Variants in NCOR1 observed in about 807,000 individuals in gnomAD.
The protein encoded by NCOR1 is nuclear receptor corepressor 1, also known as protein phosphatase 1, regulatory subunit 109.
Under a neutral mutation model 288.1 loss-of-function variants are expected in NCOR1, and 63 were observed. That is an observed-to-expected ratio of 0.22 (90% CI 0.18 to 0.27). The LOEUF is 0.27. Among genes scored for constraint, NCOR1 ranks in the 10% least tolerant of loss-of-function variants. The probability of loss-of-function intolerance (pLI) is 1.00; values close to 1 mark genes in which losing one functional copy is unlikely to be tolerated. For missense variants in NCOR1, 2,397 were observed against 3,019.2 expected (o/e 0.79, Z 4.83); for synonymous variants, 1,007 against 1,065.9 (o/e 0.94, Z 1.08).
chr17:16,181,816 T>A (rs147661309), intron 3 of NCOR1, among the ~76,000 whole-genome samples: 1 of 152,136 alleles, frequency 6.6e-6, no homozygotes, highest in Non-Finnish European at 1.5e-5. Flanking sequence ...ACCTCTGTCC[T>A]AGATAATAAA....
Position 16,044,430 on chromosome 17 carries a change from C to G in NCOR1, c.6679+2521G>C, listed in dbSNP as rs561069968. 5.8e-4 allele frequency: 273 copies of G among 471,708 alleles called. 3 individuals carry two copies. Among genetic ancestry groups the G allele is most frequent in the South Asian group, 4.1e-3 (267 of 64,576 alleles). The allele number at this position is 471,708 out of a possible 1,614,324, so 29.2% of individuals were successfully genotyped here. On this transcript the variant is annotated intron_variant, in intron 42 of 45. Coordinates refer to ENST00000268712, the MANE Select transcript of NCOR1 (RefSeq NM_006311.4). ...GTTCACAGTGCAAGGCCCCCACTTT[C>G]CTTTCTTTTGACAGGATCAGGAGAC... is the stretch of plus-strand genomic sequence containing the variant.
At chr17:16,063,581 G>A (rs2060780847) in intron 35 of NCOR1, among the ~76,000 whole-genome samples, 1 of 152,164 alleles carries the variant, frequency 6.6e-6, no homozygotes, top group African/African-American at 2.4e-5. Flanking sequence ...TCCGGGACCA[G>A]CCATACCCAC....
chr17:16,092,677 ATATATATATATATATATATTTT>A (rs1256719726), intron 21 of NCOR1, among the ~76,000 whole-genome samples: 6 of 17,744 alleles, frequency 3.4e-4, no homozygotes, highest in Non-Finnish European at 3.8e-4. Flanking sequence ...ATATATATAT[ATATATATATATATATATATTTT>A]TTTTTTTTTT....
chr17:16,202,086 T>C (rs1022077869), intron 1 of NCOR1, among the ~76,000 whole-genome samples: 2 of 151,374 alleles, frequency 1.3e-5, no homozygotes, highest in African/African-American at 4.9e-5. Context: ...TAGCGGGGCG[T>C]AGTGGCGCAC....
intron 11 of NCOR1, 116 bp downstream of exon 11, chr17:16,143,490 A>G (rs2077431360): frequency 2.7e-6 from 2 of 732,552 alleles, no homozygotes; most frequent in Admixed American, 2.7e-5. Context: ...TTGACAGTCT[A>G]AACTCTAGCA....
chr17:16,116,063 A>G (rs554429416), intron 18 of NCOR1, among the ~76,000 whole-genome samples: 1 of 152,338 alleles, frequency 6.6e-6, no homozygotes, highest in African/African-American at 2.4e-5. Flanking sequence ...AACATCTTGC[A>G]TGGATGGGGC....
chr17:16,083,423 T>G (rs939098624), intron 23 of NCOR1, among the ~76,000 whole-genome samples: 2 of 151,350 alleles, frequency 1.3e-5, no homozygotes, highest in African/African-American at 4.9e-5. Flanking sequence ...ACAAAACACA[T>G]ACAAATCTCT....
chr17:16,194,446 A>G lies in NCOR1; in HGVS notation c.108+16T>C, dbSNP rs1177803556. 3 of 1,525,490 alleles carry G rather than the reference A, an allele frequency of 2.0e-6. No individual in the cohort carries two copies. In the South Asian group the frequency reaches 3.5e-5, roughly 18 times the overall value. The allele number at this position is 1,525,490 out of a possible 1,614,324, so 94.5% of individuals were successfully genotyped here. A position where few individuals can be genotyped will look rare whatever the true frequency, so the allele number is the denominator to read the frequency against. On this transcript the variant is annotated intron_variant, in intron 2 of 45. Coordinates refer to ENST00000268712, the MANE Select transcript of NCOR1 (RefSeq NM_006311.4). ...CACAAAAAACATGTGCAATTTGCAT[A>G]CTATCTGTTCCTTACCTGCTGGTGG...
intron 14 of NCOR1, among the ~76,000 whole-genome samples, chr17:16,131,720 T>G (rs2075670809): frequency 6.6e-6 from 1 of 152,242 alleles, no homozygotes; most frequent in African/African-American, 2.4e-5. Flanking sequence ...TTAGTGCTCC[T>G]AAGCCAACTG....
At chr17:16,091,438 G>T in intron 22 of NCOR1, 2 of 509,874 alleles carry the variant, frequency 3.9e-6, no homozygotes, top group Non-Finnish European at 5.2e-6. Flanking sequence ...GGCTTAGCCA[G>T]CGTCTGATTG....
Position 16,098,434 on chromosome 17 carries a change from G to T in NCOR1, c.2753C>A (p.Ser918Tyr), listed in dbSNP as rs2152974805. ...LNPTGSILVS[S>Y]PLKPNPLDLP... ...ATCCAGTGGATTTGGTTTTAACGGA[G>T]ATGAGACGAGTATAGATCCAGTGGG... Residue 918 changes from serine to tyrosine, a missense_variant, in exon 21 of 46, where the codon TCT (serine) becomes TAT (tyrosine). Ser to Tyr is a moderately radical substitution (Grantham distance 144, BLOSUM62 -2). Coordinates refer to ENST00000268712, the MANE Select transcript of NCOR1 (RefSeq NM_006311.4). 1 of 1,613,964 alleles carries T rather than the reference G, an allele frequency of 6.2e-7. No individual in the cohort carries two copies. The highest frequency in any genetic ancestry group is 2.2e-5 in the East Asian group (1 of 44,868).
At chr17:16,151,597 T>C in intron 8 of NCOR1, 1 of 1,338,020 alleles carries the variant, frequency 7.5e-7, no homozygotes, top group Non-Finnish European at 9.9e-7. Context: ...TACTTCATCA[T>C]GCGCCTTGCA....
At chr17:16,190,634 C>T (rs895247646) in intron 2 of NCOR1, among the ~76,000 whole-genome samples, 2 of 152,074 alleles carry the variant, frequency 1.3e-5, no homozygotes, top group Non-Finnish European at 2.9e-5. Context: ...AGCTACCACG[C>T]CCAGCCAACA....
rs553817380 is a variant in NCOR1 at position 16,200,906 on chromosome 17, G to A, written c.-70-6267C>T. 5.3e-5 allele frequency among the ~76,000 whole-genome samples: 8 copies of A among 152,176 alleles called. No homozygotes were observed. The South Asian group carries it at 1.2e-3, about 24-fold the overall frequency. On this transcript the variant is annotated intron_variant, in intron 1 of 45. Transcript: ENST00000268712. The stretch of plus-strand genomic sequence containing the variant: ...ACCTGGGGATAATTTAAAGAAAGCC[G>A]ACCTCCTAAACTTATTACAGAGCCC...
chr17:16,070,574 T>C (rs2061632457), intron 30 of NCOR1, 49 bp from the exon 31 acceptor site: 1 of 1,581,014 alleles, frequency 6.3e-7, no homozygotes, highest in Middle Eastern at 1.7e-4. Flanking sequence ...ATCTGGCTAC[T>C]TTTCTATCTC....
rs368094624 is a variant in NCOR1, at chr17:16,036,950, CTT to C, written c.6956-2008_6956-2007del. Among the ~76,000 whole-genome samples the C allele has an allele frequency of 3.6e-3, 543 of 152,336 alleles. 3 individuals carry two copies. The highest frequency in any genetic ancestry group is 0.012 in the African/African-American group (509 of 41,566). ...TAACTGTTTGGCACATGAGGTCTAG[CTT>C]TCAGCCTGTCTTGGCTTTCAACATG... On this transcript the variant is annotated intron_variant, in intron 44 of 45. Coordinates refer to ENST00000268712, the MANE Select transcript of NCOR1 (RefSeq NM_006311.4).
chr17:16,155,342 CTG>C (rs1568367510), intron 6 of NCOR1, among the ~76,000 whole-genome samples: 4 of 118,150 alleles, frequency 3.4e-5, no homozygotes, highest in Non-Finnish European at 6.9e-5. Context: ...CAGAACAAGA[CTG>C]TGTCTCAAAA....
At chr17:16,195,387 CT>C (rs1568612651) in intron 1 of NCOR1, among the ~76,000 whole-genome samples, 1 of 152,022 alleles carries the variant, frequency 6.6e-6, no homozygotes, top group Non-Finnish European at 1.5e-5. Flanking sequence ...AGGAGAATCG[CT>C]TGAGCCTGGA....
chr17:16,169,523 G>A (rs947370375), intron 4 of NCOR1, among the ~76,000 whole-genome samples: 1 of 152,292 alleles, frequency 6.6e-6, no homozygotes, highest in African/African-American at 2.4e-5. Flanking sequence ...AGAGAATGGG[G>A]AGAGGGAGAT....
Sources: allele counts gnomAD v4.1 joint callset (sites outside exome capture counted in the v4.1 genomes callset), GRCh38; gene constraint gnomAD v4.1.1; transcripts MANE v1.5; gene names NCBI Gene and HGNC (gene_info 2026-07-23, HGNC 2026-07-21).